ZNF221: variants seen among roughly 807,000 people sequenced by gnomAD.
ZNF221 encodes the protein zinc finger protein 221.
In ZNF221, 10 loss-of-function variants were observed where a neutral mutation model predicts 12.6. That is an observed-to-expected ratio of 0.79 (90% CI 0.49 to 1.34). The LOEUF is 1.34. Among genes scored for constraint, ZNF221 ranks in the 40% most tolerant of loss-of-function variants. The pLI is 0.00. For synonymous variants in ZNF221, 232 were observed against 244.0 expected (o/e 0.95, Z 0.46); for missense variants, 661 against 721.4 (o/e 0.92, Z 0.96).
chr19:43,955,003 A>C (rs1974733178), intron 1 of ZNF221, among the ~76,000 whole-genome samples: 1 of 151,768 alleles, frequency 6.6e-6, no homozygotes, highest in African/African-American at 2.4e-5. Flanking sequence ...TCAATGTTTT[A>C]ATTGCCTGTT....
chr19:43,980,433 A>G, the ZNF221 span, among the ~76,000 whole-genome samples: 2 of 152,246 alleles, frequency 1.3e-5, no homozygotes, highest in Admixed American at 6.5e-5. Context: ...ACAAGGCCCT[A>G]CAGCCATTAA....
At position 43,966,251 on chromosome 19, in the gene ZNF221, G is replaced by A; in HGVS notation, c.749G>A (p.Gly250Glu). ...HLQTHQRVHT[G>E]EKPFKCGQCG... ...CAAACTCATCAGAGAGTCCATACTG[G>A]AGAGAAACCATTCAAATGTGGGCAA... The change falls in exon 5 of 5, where the codon GGA becomes GAA. Residue 250 changes from glycine (G) to glutamate (E), a missense_variant. Coordinates refer to ENST00000587682, the MANE Select transcript of ZNF221 (RefSeq NM_001297588.2). 3 of 1,614,072 alleles carry A rather than the reference G, an allele frequency of 1.9e-6. No homozygotes were observed. The highest frequency in any genetic ancestry group is 1.7e-4 in the Middle Eastern group (1 of 6,060).
At chr19:43,963,369 G>GTAT (rs1974881420) in intron 2 of ZNF221, among the ~76,000 whole-genome samples, 1 of 152,134 alleles carries the variant, frequency 6.6e-6, no homozygotes, top group Non-Finnish European at 1.5e-5. Flanking sequence ...CTTTTGACAT[G>GTAT]TATTACATTG....
At position 43,967,450 on chromosome 19, in the gene ZNF221, T is replaced by G; in HGVS notation, c.*94T>G. 1.1e-6 allele frequency: 1 copy of G among 937,050 alleles called. No individual in the cohort carries two copies. The highest frequency in any genetic ancestry group is 2.2e-4 in the Middle Eastern group (1 of 4,558). The allele number at this position is 937,050 out of a possible 1,614,324, so 58.0% of individuals were successfully genotyped here. ...AGAAAAACCATTCAAATATGAGAAC[T>G]GTGGGAAGAGCTTTGTACATAGATC... On this transcript the variant is annotated 3_prime_UTR_variant, in exon 5 of 5. Coordinates refer to ENST00000587682, the MANE Select transcript of ZNF221 (RefSeq NM_001297588.2).
chr19:43,978,494 T>C, the ZNF221 span: 4 of 152,226 alleles, frequency 2.6e-5, no homozygotes, highest in African/African-American at 9.6e-5. Context: ...TAAATATTTT[T>C]ATAATAAAAA....
Position 43,967,542 on chromosome 19 carries a change from T to G in ZNF221, c.*186T>G. 1.8e-6 allele frequency: 1 copy of G among 545,176 alleles called. No homozygotes were observed. The highest frequency in any genetic ancestry group is 2.8e-5 in the South Asian group (1 of 35,090). The allele number at this position is 545,176 out of a possible 1,614,324, so 33.8% of individuals were successfully genotyped here. Reference sequence around the variant, plus strand: ...CACCCAGGCCTGACTGCAGTGGCGCTATCTCAGCTCACTGCAAGCTCCGCC... The same window carrying G: ...CACCCAGGCCTGACTGCAGTGGCGCGATCTCAGCTCACTGCAAGCTCCGCC... On this transcript the variant is annotated 3_prime_UTR_variant, in exon 5 of 5. Transcript: ENST00000587682.
chr19:43,958,394 G>A (rs957534686), intron 1 of ZNF221, among the ~76,000 whole-genome samples: 3 of 152,044 alleles, frequency 2.0e-5, no homozygotes, highest in East Asian at 1.9e-4. Context: ...GCTTGCATGC[G>A]GTATATCAGC....
rs74467466 is a variant in ZNF221, at chr19:43,966,800, C to T, written c.1298C>T (p.Thr433Ile). 4 of 1,614,072 alleles carry T rather than the reference C, an allele frequency of 2.5e-6. No individual in the cohort carries two copies. Among genetic ancestry groups the T allele is most frequent in the Admixed American group, 1.7e-5 (1 of 60,012 alleles). ...KCEECGKGFY[T>I]NSRRSSHQRS... The stretch of plus-strand genomic sequence containing the variant: ...GAAGAATGTGGGAAGGGATTTTATA[C>T]AAATTCACGACGATCTTCCCATCAG... Residue 433 changes from threonine to isoleucine, a missense_variant, in exon 5 of 5, where the codon ACA (threonine) becomes ATA (isoleucine). Physicochemically the swap from Thr to Ile is moderately conservative, Grantham distance 89. Coordinates refer to ENST00000587682, the MANE Select transcript of ZNF221 (RefSeq NM_001297588.2).
chr19:43,973,354 C>A, the ZNF221 span, among the ~76,000 whole-genome samples: 1 of 151,942 alleles, frequency 6.6e-6, no homozygotes, highest in Admixed American at 6.6e-5. Flanking sequence ...AAGGACCAGC[C>A]CCCCGCCCTT....
downstream of ZNF221, among the ~76,000 whole-genome samples, chr19:43,970,114 C>T (rs437067): frequency 0.77 from 117,694 of 151,908 alleles, 46,678 homozygotes; most frequent in Middle Eastern, 0.89. Context: ...CCTCCAGGTA[C>T]GGGAAAAACG....
In ZNF221 at chr19:43,951,846, CCTCTTTTTTTTTT is replaced by C. The variant is rs1974675667; in HGVS notation, c.-3+447_-3+459del. Among the ~76,000 whole-genome samples, 3 of 117,878 alleles carry C rather than the reference CCTCTTTTTTTTTT, an allele frequency of 2.5e-5. No individual in the cohort carries two copies. The Admixed American group carries it at 2.7e-4, about 11-fold the overall frequency. The allele number at this position is 117,878 out of a possible 152,430, so 77.3% of individuals were successfully genotyped here. On this transcript the variant is annotated intron_variant, in intron 1 of 4. Coordinates refer to ENST00000587682, the MANE Select transcript of ZNF221 (RefSeq NM_001297588.2). ...CTGGAAAATTCTGGACAGTCTTTGA[CCTCTTTTTTTTTT>C]TTTTTTTTTTTTTTTTTTTTTTTTT...
downstream of ZNF221, among the ~76,000 whole-genome samples, chr19:43,971,891 G>C (rs901548947): frequency 2.0e-5 from 3 of 152,248 alleles, no homozygotes; most frequent in African/African-American, 7.2e-5. Flanking sequence ...CCTTAACTCA[G>C]CTCTGGATTA....
chr19:43,975,002 C>T, the ZNF221 span, among the ~76,000 whole-genome samples: 1 of 149,654 alleles, frequency 6.7e-6, no homozygotes. Flanking sequence ...TCAGCCTGGG[C>T]AACAGTGAAA....
Position 43,966,390 on chromosome 19 carries a change from G to A in ZNF221, c.888G>A (p.Gln296=). 1 of 1,613,686 alleles carries A rather than the reference G, an allele frequency of 6.2e-7. No homozygotes were observed. The highest frequency in any genetic ancestry group is 8.5e-7 in the Non-Finnish European group (1 of 1,179,916). The change falls in exon 5 of 5, where the codon CAG becomes CAA. Residue 296 remains glutamine (Q), a synonymous_variant. Transcript: ENST00000587682. ...ECGKAFIHDS[Q]LQEHQRIHTG... Reference sequence around the variant, plus strand: ...GGAAAGCCTTCATTCATGATTCACAGCTTCAAGAACATCAGAGAATCCATA... The same window carrying A: ...GGAAAGCCTTCATTCATGATTCACAACTTCAAGAACATCAGAGAATCCATA...
Position 43,956,709 on chromosome 19 carries a change from C to T in ZNF221, c.-3+5309C>T, listed in dbSNP as rs535241249. ...TAAATACAACAAACTTATTTGAAAC[C>T]CTTTAATATTGGGGGATCAGCAGAG... is the stretch of plus-strand genomic sequence containing the variant. On this transcript the variant is annotated intron_variant, in intron 1 of 4. Coordinates refer to ENST00000587682, the MANE Select transcript of ZNF221 (RefSeq NM_001297588.2). Among the ~76,000 whole-genome samples the T allele has an allele frequency of 5.3e-5, 8 of 152,188 alleles. No homozygotes were observed. In the South Asian group the frequency reaches 6.2e-4, roughly 12 times the overall value.
At chr19:43,958,206 A>C (rs1424004960) in intron 1 of ZNF221, among the ~76,000 whole-genome samples, 1 of 152,208 alleles carries the variant, frequency 6.6e-6, no homozygotes, top group Non-Finnish European at 1.5e-5. Context: ...CCAACTCCAC[A>C]TGCCTCTTTT....
chr19:43,958,933 TC>T (rs772883754), intron 1 of ZNF221, among the ~76,000 whole-genome samples: 6 of 151,878 alleles, frequency 4.0e-5, no homozygotes, highest in Non-Finnish European at 8.8e-5. Flanking sequence ...TCAGTTTCCT[TC>T]GGGCCTAACA....
Position 43,966,047 on chromosome 19 carries a change from T to C in ZNF221, c.545T>C (p.Val182Ala), listed in dbSNP as rs745437685. ...CNECKQSFSD[V>A]SVFDLHQQSH... Reference sequence around the variant, plus strand: ...GAATGTAAACAGTCCTTCAGTGATGTTTCTGTCTTTGATCTTCATCAACAA... The same window carrying C: ...GAATGTAAACAGTCCTTCAGTGATGCTTCTGTCTTTGATCTTCATCAACAA... Residue 182 changes from valine (V) to alanine (A), a missense_variant, in exon 5 of 5, where the codon GTT (valine) becomes GCT (alanine). Coordinates refer to ENST00000587682, the MANE Select transcript of ZNF221 (RefSeq NM_001297588.2). 1.2e-6 allele frequency: 2 copies of C among 1,614,232 alleles called. No individual in the cohort carries two copies. The highest frequency in any genetic ancestry group is 1.1e-5 in the South Asian group (1 of 91,088).
the ZNF221 span, among the ~76,000 whole-genome samples, chr19:43,980,812 C>T: frequency 6.6e-6 from 1 of 152,128 alleles, no homozygotes; most frequent in Non-Finnish European, 1.5e-5. Context: ...TGCTACTTTG[C>T]CTATTTTGTG....
Sources: allele counts gnomAD v4.1 joint callset (sites outside exome capture counted in the v4.1 genomes callset), GRCh38; gene constraint gnomAD v4.1.1; transcripts MANE v1.5; gene names NCBI Gene and HGNC (gene_info 2026-07-23, HGNC 2026-07-21).